The following MAP7 variants were observed in gnomAD, a reference collection of about 807,000 sequenced individuals.
MAP7 encodes microtubule associated protein 7, also known as ensconsin.
MAP7 carries 52 observed loss-of-function variants against 94.8 expected under a neutral mutation model. The observed-to-expected ratio is 0.55, with a 90% CI of 0.44 to 0.69. The LOEUF (loss-of-function observed/expected upper bound fraction) is 0.69, where lower values mean the gene tolerates loss of function less well. Ranked by LOEUF, MAP7 falls within the 30% of genes least tolerant of loss-of-function variation. The pLI is 0.00. For synonymous variants in MAP7, 350 were observed against 357.0 expected (o/e 0.98, Z 0.22); for missense variants, 940 against 964.6 (o/e 0.97, Z 0.34).
chr6:136,530,019 CAT>C lies in MAP7; in HGVS notation c.67+20321_67+20322del, dbSNP rs535378287. 6.3e-4 allele frequency among the ~76,000 whole-genome samples: 96 copies of C among 152,338 alleles called. 1 individual carries two copies. The highest frequency in any genetic ancestry group is 2.1e-3 in the African/African-American group (87 of 41,576). ...AGTCACCTGCATACACATACGCACA[CAT>C]AGAGTCAGCTTTCTGTTCACATTTA... On this transcript the variant is annotated intron_variant, in intron 1 of 17. Coordinates refer to ENST00000354570, the MANE Select transcript of MAP7 (RefSeq NM_003980.6).
Position 136,346,152 on chromosome 6 carries a change from A to C in MAP7, c.2016-73T>G. 3 of 841,046 alleles carry C rather than the reference A, an allele frequency of 3.6e-6. No individual in the cohort carries two copies. In the South Asian group the frequency reaches 5.3e-5, roughly 15 times the overall value. The allele number at this position is 841,046 out of a possible 1,614,324, so 52.1% of individuals were successfully genotyped here. ...GGAAAACACATTATTAGGAAAACCA[A>C]AATGTTTTATAATGAATAATTTTAT... On this transcript the variant is annotated intron_variant, in intron 16 of 17. Coordinates refer to ENST00000354570, the MANE Select transcript of MAP7 (RefSeq NM_003980.6).
At chr6:136,351,937 C>G (rs778629453) in intron 16 of MAP7, among the ~76,000 whole-genome samples, 5 of 152,170 alleles carry the variant, frequency 3.3e-5, no homozygotes, top group African/African-American at 4.8e-5. Flanking sequence ...GCAGCCTCCC[C>G]CCAGCACCCC....
intron 10 of MAP7, chr6:136,364,466 T>C (rs1228412384): frequency 3.6e-6 from 1 of 275,208 alleles, no homozygotes; most frequent in Non-Finnish European, 7.0e-6. Flanking sequence ...TGACTAAACC[T>C]CTTTTGTAAC....
At chr6:136,493,003 C>G (rs894934354) in intron 1 of MAP7, among the ~76,000 whole-genome samples, 1 of 150,594 alleles carries the variant, frequency 6.6e-6, no homozygotes, top group African/African-American at 2.4e-5. Context: ...TGGAAAAATT[C>G]TTTTGAATAA....
intron 1 of MAP7, among the ~76,000 whole-genome samples, chr6:136,505,159 A>G (rs11759469): frequency 0.033 from 4,916 of 150,658 alleles, 180 homozygotes; most frequent in East Asian, 0.15. Context: ...ACAACAAGGT[A>G]TAAGGTGAAA....
intron 1 of MAP7, among the ~76,000 whole-genome samples, chr6:136,436,091 A>G (rs1796308675): frequency 6.6e-6 from 1 of 152,216 alleles, no homozygotes; most frequent in Non-Finnish European, 1.5e-5. Context: ...AAGCACTATA[A>G]GAGTATGGCA....
At chr6:136,414,808 A>ATTT (rs550449278) in intron 2 of MAP7, among the ~76,000 whole-genome samples, 28 of 123,268 alleles carry the variant, frequency 2.3e-4, no homozygotes, top group African/African-American at 8.4e-4. Flanking sequence ...CAATCAGCTA[A>ATTT]TTTTTTTTTT....
At chr6:136,499,369 A>T (rs1819197075) in intron 1 of MAP7, among the ~76,000 whole-genome samples, 1 of 152,028 alleles carries the variant, frequency 6.6e-6, no homozygotes, top group Non-Finnish European at 1.5e-5. Flanking sequence ...CACAATCCTA[A>T]CTAATATGGG....
chr6:136,549,148 T>A (rs568829879), intron 1 of MAP7, among the ~76,000 whole-genome samples: 1 of 152,262 alleles, frequency 6.6e-6, no homozygotes, highest in South Asian at 2.1e-4. Context: ...AATTTGCAAA[T>A]ACTGTTTCAG....
chr6:136,420,051 C>G (rs1790769175), intron 2 of MAP7: 1 of 854,858 alleles, frequency 1.2e-6, no homozygotes, highest in Non-Finnish European at 2.0e-6. Context: ...CCAAAGCCTT[C>G]TGAGCTCGAT....
Position 136,492,187 on chromosome 6 carries a change from A to G in MAP7, c.67+58155T>C, listed in dbSNP as rs549841485. 3.9e-5 allele frequency among the ~76,000 whole-genome samples: 6 copies of G among 152,344 alleles called. No individual in the cohort carries two copies. In the South Asian group the frequency reaches 1.2e-3, roughly 32 times the overall value. On this transcript the variant is annotated intron_variant, in intron 1 of 17. Coordinates refer to ENST00000354570, the MANE Select transcript of MAP7 (RefSeq NM_003980.6). ...AGTTAGATTCTCATAAGGAGTGCAC[A>G]ACCTAGATCCCTTGCGTGAGCAGAC...
intron 1 of MAP7, among the ~76,000 whole-genome samples, chr6:136,490,366 C>T (rs576288926): frequency 1.3e-3 from 191 of 152,260 alleles, no homozygotes; most frequent in Non-Finnish European, 2.4e-3. Context: ...ATATGCCAAA[C>T]GATGTCATTA....
chr6:136,436,920 A>G (rs1796521861), intron 1 of MAP7, among the ~76,000 whole-genome samples: 1 of 152,258 alleles, frequency 6.6e-6, no homozygotes. Flanking sequence ...TGGCCTGCAG[A>G]ATGGTCAAAT....
At position 136,510,110 on chromosome 6, in the gene MAP7, G is replaced by A. The variant is rs928520587; in HGVS notation, c.67+40232C>T. Among the ~76,000 whole-genome samples, 18 of 152,322 alleles carry A rather than the reference G, an allele frequency of 1.2e-4. No individual in the cohort carries two copies. In the East Asian group the frequency reaches 1.9e-3, roughly 16 times the overall value. On this transcript the variant is annotated intron_variant, in intron 1 of 17. Transcript: ENST00000354570. Reference sequence around the variant, plus strand: ...CCTGCCACTCGGGAGGCTGAGACAGGAGAATTGCTTGAACACAGGAGGTGG... The same window carrying A: ...CCTGCCACTCGGGAGGCTGAGACAGAAGAATTGCTTGAACACAGGAGGTGG...
intron 1 of MAP7, among the ~76,000 whole-genome samples, chr6:136,484,392 C>T (rs927696301): frequency 6.6e-5 from 10 of 152,114 alleles, no homozygotes; most frequent in African/African-American, 1.4e-4. Flanking sequence ...ATTGTTGTGA[C>T]GGCCATTTGC....
chr6:136,480,115 A>G (rs567805310), intron 1 of MAP7, among the ~76,000 whole-genome samples: 1 of 152,328 alleles, frequency 6.6e-6, no homozygotes, highest in East Asian at 1.9e-4. Context: ...CATAGTAACC[A>G]AAATAGCATG....
Position 136,499,449 on chromosome 6 carries a change from AGAGGTTAGGTAACG to A in MAP7, c.67+50879_67+50892del, listed in dbSNP as rs561837092. ...ACAGGGTTTGAGAAAAACAAGACTC[AGAGGTTAGGTAACG>A]GTGCCTAGTTACACAGCTGATGACA... On this transcript the variant is annotated intron_variant, in intron 1 of 17. Coordinates refer to ENST00000354570, the MANE Select transcript of MAP7 (RefSeq NM_003980.6). Among the ~76,000 whole-genome samples the A allele has an allele frequency of 3.1e-3, 479 of 152,244 alleles. 8 individuals are homozygous for A. The highest frequency in any genetic ancestry group is 0.011 in the African/African-American group (441 of 41,490).
chr6:136,486,244 G>C (rs918694599), intron 1 of MAP7, among the ~76,000 whole-genome samples: 1 of 152,088 alleles, frequency 6.6e-6, no homozygotes, highest in African/African-American at 2.4e-5. Context: ...AATTATGTTT[G>C]AATCCTTAAT....
intron 2 of MAP7, chr6:136,419,803 G>T: frequency 3.4e-6 from 1 of 298,424 alleles, no homozygotes; most frequent in Non-Finnish European, 6.4e-6. Flanking sequence ...TTCACCATCT[G>T]TAAGAGCCCT....
Sources: gnomAD v4.1 joint callset for allele counts (sites outside exome capture counted in the v4.1 genomes callset) on GRCh38, gnomAD v4.1.1 for gene constraint, MANE v1.5 for transcripts, NCBI Gene and HGNC (gene_info 2026-07-23, HGNC 2026-07-21) for gene names.